ROR2: variants seen among roughly 807,000 people sequenced by gnomAD.
ROR2 encodes the protein ROR family WNT receptor 2.
A neutral mutation model predicts 74.9 loss-of-function variants in ROR2; 33 were observed. The ratio of observed to expected loss-of-function variants is 0.44; its 90% CI spans 0.33 to 0.59. The LOEUF (loss-of-function observed/expected upper bound fraction) is 0.59, where lower values mean the gene tolerates loss of function less well. ROR2 is among the 20% of genes least tolerant of loss of function. The pLI is 0.02. For synonymous variants in ROR2, 586 were observed against 558.7 expected, an observed-to-expected ratio of 1.05 and a Z score of -0.69; for missense variants, 1,216 against 1,313.8, an observed-to-expected ratio of 0.93 and a Z score of 1.15.
chr9:91,801,963 CATCCTTGCAG>C (rs1827395817), intron 1 of ROR2, among the ~76,000 whole-genome samples: 1 of 152,114 alleles, frequency 6.6e-6, no homozygotes. Context: ...TGCCCCAGTG[CATCCTTGCAG>C]GTTTGCGTGA....
chr9:91,911,555 T>C lies in ROR2; in HGVS notation c.97+38312A>G, dbSNP rs184553916. ...AAATAAGCTTCAATAAATAATTCAA[T>C]AAATAGATAGGGAAGTAGGGACCAA... On this transcript the variant is annotated intron_variant, in intron 1 of 8. Coordinates refer to ENST00000375708, the MANE Select transcript of ROR2 (RefSeq NM_004560.4). Among the ~76,000 whole-genome samples, 68 of 152,198 alleles carry C rather than the reference T, an allele frequency of 4.5e-4. 1 individual carries two copies. The highest frequency in any genetic ancestry group is 6.8e-3 in the Middle Eastern group (2 of 294).
intron 1 of ROR2, among the ~76,000 whole-genome samples, chr9:91,933,856 T>G (rs1322629933): frequency 2.6e-5 from 4 of 151,816 alleles, no homozygotes; most frequent in Non-Finnish European, 5.9e-5. Context: ...GACGGGGAAA[T>G]GGGGAGTGAT....
chr9:91,820,017 C>G (rs1828091330), intron 1 of ROR2, among the ~76,000 whole-genome samples: 1 of 152,024 alleles, frequency 6.6e-6, no homozygotes, highest in African/African-American at 2.4e-5. Flanking sequence ...TGTGTGCACA[C>G]CTGTCATATG....
intron 1 of ROR2, among the ~76,000 whole-genome samples, chr9:91,839,277 T>TAAGTACAGGC (rs113477127): frequency 1.2e-3 from 173 of 145,222 alleles, no homozygotes; most frequent in African/African-American, 4.2e-3. Flanking sequence ...TGTGTGTGTG[T>TAAGTACAGGC]GTGTGTGTGT....
intron 2 of ROR2, among the ~76,000 whole-genome samples, chr9:91,767,626 A>G (rs1826100570): frequency 6.6e-6 from 1 of 152,248 alleles, no homozygotes; most frequent in Admixed American, 6.5e-5. Context: ...CCAAGGGAAG[A>G]TACTTCCAGG....
chr9:91,866,299 T>C (rs975831279), intron 1 of ROR2, among the ~76,000 whole-genome samples: 7 of 151,890 alleles, frequency 4.6e-5, no homozygotes, highest in African/African-American at 1.7e-4. Flanking sequence ...TTTATATTTT[T>C]AGTAGAGACA....
chr9:91,919,043 C>T (rs1344973085), intron 1 of ROR2, among the ~76,000 whole-genome samples: 1 of 152,034 alleles, frequency 6.6e-6, no homozygotes, highest in Admixed American at 6.6e-5. Context: ...TCAACACAGC[C>T]AGACTGCCTA....
chr9:91,843,059 T>A (rs1828829848), intron 1 of ROR2, among the ~76,000 whole-genome samples: 1 of 152,044 alleles, frequency 6.6e-6, no homozygotes, highest in South Asian at 2.1e-4. Context: ...AGAGAACAAC[T>A]AGAAGCAAAA....
At chr9:91,732,423 C>G (rs1193958146) in intron 6 of ROR2, among the ~76,000 whole-genome samples, 1 of 152,164 alleles carries the variant, frequency 6.6e-6, no homozygotes, top group Admixed American at 6.5e-5. Context: ...TGTGCAGACC[C>G]CAAACAGGCC....
intron 1 of ROR2, among the ~76,000 whole-genome samples, chr9:91,915,808 G>A (rs531248558): frequency 5.9e-5 from 9 of 152,242 alleles, no homozygotes; most frequent in South Asian, 2.1e-4. Flanking sequence ...CTAGCTAGAC[G>A]CAGAGCGCTA....
chr9:91,880,921 G>A (rs1271352477), intron 1 of ROR2, among the ~76,000 whole-genome samples: 2 of 152,186 alleles, frequency 1.3e-5, no homozygotes, highest in African/African-American at 2.4e-5. Flanking sequence ...GTCCAGATTG[G>A]GGTCTGATGG....
chr9:91,924,826 A>C (rs1831355628), intron 1 of ROR2, among the ~76,000 whole-genome samples: 1 of 151,840 alleles, frequency 6.6e-6, no homozygotes, highest in South Asian at 2.1e-4. Flanking sequence ...GGCAGGCCCA[A>C]GAGTTTGCTT....
At position 91,904,013 on chromosome 9, in the gene ROR2, C is replaced by CT. The variant is rs950460899; in HGVS notation, c.97+45853dup. Reference sequence around the variant, plus strand: ...GGAATCACTGCCCTGACAGGTCATCCTTTTTTTTGATTTTTTGTTTTTGTT... The same window carrying CT: ...GGAATCACTGCCCTGACAGGTCATCCTTTTTTTTTGATTTTTTGTTTTTGTT... On this transcript the variant is annotated intron_variant, in intron 1 of 8. Transcript: ENST00000375708. 4.0e-5 allele frequency among the ~76,000 whole-genome samples: 6 copies of CT among 150,064 alleles called. No homozygotes were observed. In the East Asian group the frequency reaches 7.8e-4, roughly 20 times the overall value.
chr9:91,761,703 T>C (rs1388205199), intron 2 of ROR2, among the ~76,000 whole-genome samples: 1 of 152,090 alleles, frequency 6.6e-6, no homozygotes. Flanking sequence ...GGCTGGGAGG[T>C]TGAGGACCAC....
At position 91,809,871 on chromosome 9, in the gene ROR2, C is replaced by A. The variant is rs930206217; in HGVS notation, c.98-34053G>T. On this transcript the variant is annotated intron_variant, in intron 1 of 8. Transcript: ENST00000375708. ...AAGGGCATCACCACAAACTGCCCTCCGCACATCTTGACTCAGCAACAGTGT... is the reference window on the plus strand; with the variant it reads ...AAGGGCATCACCACAAACTGCCCTCAGCACATCTTGACTCAGCAACAGTGT... Among the ~76,000 whole-genome samples, 3 of 152,344 alleles carry A rather than the reference C, an allele frequency of 2.0e-5. No homozygotes were observed. The East Asian group carries it at 5.8e-4, about 29-fold the overall frequency.
intron 7 of ROR2, among the ~76,000 whole-genome samples, chr9:91,730,189 C>T (rs1837187002): frequency 1.3e-5 from 2 of 152,130 alleles, no homozygotes; most frequent in Admixed American, 6.5e-5. Context: ...GAGATCCACC[C>T]GTCTTGGCCT....
At chr9:91,910,843 T>C (rs1830960536) in intron 1 of ROR2, among the ~76,000 whole-genome samples, 1 of 152,186 alleles carries the variant, frequency 6.6e-6, no homozygotes, top group Non-Finnish European at 1.5e-5. Context: ...TTTGTATTTT[T>C]AGTAGAGACG....
intron 1 of ROR2, among the ~76,000 whole-genome samples, chr9:91,869,963 C>T (rs374404330): frequency 1.3e-5 from 2 of 152,086 alleles, no homozygotes; most frequent in South Asian, 2.1e-4. Context: ...ACCTACAATC[C>T]GTGGGCCAAA....
intron 1 of ROR2, among the ~76,000 whole-genome samples, chr9:91,833,552 C>T (rs1828529360): frequency 1.3e-5 from 2 of 152,124 alleles, no homozygotes. Flanking sequence ...GCCCCCCAGG[C>T]CCCTGGAGTA....
Sources: gnomAD v4.1 joint callset for allele counts (sites outside exome capture counted in the v4.1 genomes callset) on GRCh38, gnomAD v4.1.1 for gene constraint, MANE v1.5 for transcripts, NCBI Gene and HGNC (gene_info 2026-07-23, HGNC 2026-07-21) for gene names.